KCNJ15: variants seen among roughly 807,000 people sequenced by gnomAD.
KCNJ15 encodes the protein ATP-sensitive inward rectifier potassium channel 15.
In KCNJ15, 14 loss-of-function variants were observed where a neutral mutation model predicts 23.0. The observed-to-expected ratio is 0.61, with a 90% CI of 0.40 to 0.95. The LOEUF (loss-of-function observed/expected upper bound fraction) is 0.95. Ranked by LOEUF, KCNJ15 falls within the 40% of genes least tolerant of loss-of-function variation. The probability of loss-of-function intolerance (pLI) is 0.00; values close to 1 mark genes in which losing one functional copy is unlikely to be tolerated. For missense variants in KCNJ15, 388 were observed against 461.8 expected, an observed-to-expected ratio of 0.84 and a Z score of 1.46; for synonymous variants, 185 against 183.2, an observed-to-expected ratio of 1.01 and a Z score of -0.08.
chr21:38,247,382 A>G (rs1201599670), intron 1 of KCNJ15, among the ~76,000 whole-genome samples: 3 of 143,858 alleles, frequency 2.1e-5, no homozygotes, highest in Non-Finnish European at 4.6e-5. Context: ...GGATGGATGA[A>G]TGGATGTATG....
chr21:38,232,548 T>C (rs1978344977), intron 1 of KCNJ15, among the ~76,000 whole-genome samples: 1 of 151,886 alleles, frequency 6.6e-6, no homozygotes, highest in Non-Finnish European at 1.5e-5. Context: ...GGTAATTGAT[T>C]TGAGGTCTTT....
At chr21:38,286,439 C>T (rs1322695145) in intron 1 of KCNJ15, among the ~76,000 whole-genome samples, 1 of 152,202 alleles carries the variant, frequency 6.6e-6, no homozygotes, top group African/African-American at 2.4e-5. Context: ...AATGTCTCCT[C>T]ATTGGTCTTA....
chr21:38,285,871 T>C (rs774319799), intron 1 of KCNJ15, among the ~76,000 whole-genome samples: 1 of 152,214 alleles, frequency 6.6e-6, no homozygotes, highest in Non-Finnish European at 1.5e-5. Context: ...GAGTAAGCTT[T>C]GTCTTTCCTG....
At chr21:38,296,025 G>A (rs925908007) in intron 1 of KCNJ15, among the ~76,000 whole-genome samples, 7 of 152,092 alleles carry the variant, frequency 4.6e-5, no homozygotes, top group Non-Finnish European at 1.0e-4. Context: ...CAGAAGAAAC[G>A]TAGGAAGTAT....
intron 1 of KCNJ15, among the ~76,000 whole-genome samples, chr21:38,240,867 T>C (rs1024600189): frequency 6.6e-6 from 1 of 152,240 alleles, no homozygotes; most frequent in Non-Finnish European, 1.5e-5. Flanking sequence ...TTTCTTGAAA[T>C]GCACATCTCG....
At chr21:38,272,785 T>C (rs1055376798) in intron 1 of KCNJ15, among the ~76,000 whole-genome samples, 3 of 152,186 alleles carry the variant, frequency 2.0e-5, no homozygotes, top group Admixed American at 1.3e-4. Flanking sequence ...CGCTTAACAA[T>C]GATTGAGCCC....
At chr21:38,285,969 C>T (rs1049840507) in intron 1 of KCNJ15, among the ~76,000 whole-genome samples, 5 of 152,138 alleles carry the variant, frequency 3.3e-5, no homozygotes, top group East Asian at 1.9e-4. Context: ...CCTGGCTGGG[C>T]GCGGTGGTTC....
chr21:38,252,953 T>A (rs1349357638), upstream of KCNJ15, among the ~76,000 whole-genome samples: 1 of 152,204 alleles, frequency 6.6e-6, no homozygotes, highest in African/African-American at 2.4e-5. Flanking sequence ...TGGGAGCCAC[T>A]TCCATTTCCA....
chr21:38,297,938 T>C (rs1985327777), intron 2 of KCNJ15, among the ~76,000 whole-genome samples: 1 of 152,214 alleles, frequency 6.6e-6, no homozygotes, highest in Admixed American at 6.5e-5. Flanking sequence ...AGTTTCCATT[T>C]CCTTGAAGGG....
At chr21:38,248,617 T>A (rs139324302) in intron 1 of KCNJ15, among the ~76,000 whole-genome samples, 4,479 of 152,296 alleles carry the variant, frequency 0.029, 82 homozygotes, top group Non-Finnish European at 0.037. Context: ...TCTGCATACA[T>A]TCTAGTGAAA....
intron 1 of KCNJ15, among the ~76,000 whole-genome samples, chr21:38,265,830 G>A (rs1440694127): frequency 2.0e-5 from 3 of 152,226 alleles, no homozygotes; most frequent in Admixed American, 6.5e-5. Context: ...CCCTGACAAA[G>A]TTCCAGGGAA....
chr21:38,255,532 A>G (rs1419409124), upstream of KCNJ15, among the ~76,000 whole-genome samples: 1 of 151,880 alleles, frequency 6.6e-6, no homozygotes, highest in Non-Finnish European at 1.5e-5. Context: ...CACCATTTAT[A>G]CTCCCAGGCT....
intron 1 of KCNJ15, among the ~76,000 whole-genome samples, chr21:38,243,723 A>G (rs182020572): frequency 1.0e-3 from 157 of 152,242 alleles, no homozygotes; most frequent in African/African-American, 3.7e-3. Flanking sequence ...TGCCCAGCCT[A>G]TATTTCTTTA....
At chr21:38,258,193 C>A (rs1980472904) in intron 1 of KCNJ15, among the ~76,000 whole-genome samples, 1 of 152,182 alleles carries the variant, frequency 6.6e-6, no homozygotes, top group South Asian at 2.1e-4. Context: ...CTTCTTTTGT[C>A]CTCTTGTGAA....
chr21:38,297,707 C>A (rs1029947485), intron 2 of KCNJ15, among the ~76,000 whole-genome samples: 4 of 152,188 alleles, frequency 2.6e-5, no homozygotes, highest in Non-Finnish European at 4.4e-5. Flanking sequence ...TACTTTTCTT[C>A]TAACTTGATC....
chr21:38,281,507 G>A (rs1429239585), intron 1 of KCNJ15, among the ~76,000 whole-genome samples: 1 of 152,142 alleles, frequency 6.6e-6, no homozygotes, highest in Non-Finnish European at 1.5e-5. Flanking sequence ...TCTATTATAA[G>A]TGAGAACATA....
In KCNJ15 at chr21:38,249,845, AT is replaced by A. The variant is rs1424171515; in HGVS notation, c.-398-7200del. ...TGCACATTTGATAAGCTGAAGTGCA[AT>A]GATAGAATAAGATGATCTTGGACAG... On this transcript the variant is annotated intron_variant, in intron 1 of 4. Coordinates refer to the KCNJ15 transcript ENST00000547341. Among the ~76,000 whole-genome samples the A allele has an allele frequency of 3.3e-5, 5 of 152,334 alleles. 1 individual carries two copies. Among genetic ancestry groups the A allele is most frequent in the African/African-American group, 1.2e-4 (5 of 41,576 alleles).
At chr21:38,291,595 C>T (rs571507281) in intron 1 of KCNJ15, 54 of 152,312 alleles carry the variant, frequency 3.5e-4, no homozygotes, top group African/African-American at 1.2e-3. Flanking sequence ...TTCATTTTCT[C>T]CATATTCCAG....
upstream of KCNJ15, among the ~76,000 whole-genome samples, chr21:38,254,295 C>T (rs1244958394): frequency 6.6e-6 from 1 of 152,218 alleles, no homozygotes; most frequent in Non-Finnish European, 1.5e-5. Flanking sequence ...TATAATGTCT[C>T]ATCTCCTTTG....
Sources: allele counts gnomAD v4.1 joint callset (sites outside exome capture counted in the v4.1 genomes callset), GRCh38; gene constraint gnomAD v4.1.1; transcripts MANE v1.5; gene names NCBI Gene and HGNC (gene_info 2026-07-23, HGNC 2026-07-21).